Variants in SYT16 observed in about 807,000 individuals in gnomAD.
The protein encoded by SYT16 is synaptotagmin 16, also known as synaptotagmin-16.
In SYT16, 42 loss-of-function variants were observed where a neutral mutation model predicts 61.4. The observed-to-expected ratio is 0.68, with a 90% CI of 0.53 to 0.89. The LOEUF is 0.89. Ranked by LOEUF, SYT16 falls within the 40% of genes least tolerant of loss-of-function variation. SYT16 has a pLI of 0.00. For missense variants in SYT16, 804 were observed against 807.3 expected, an observed-to-expected ratio of 1.00 and a Z score of 0.05; for synonymous variants, 314 against 302.3, an observed-to-expected ratio of 1.04 and a Z score of -0.40.
At chr14:62,090,660 C>A (rs1020248549) in intron 7 of SYT16, among the ~76,000 whole-genome samples, 1 of 152,244 alleles carries the variant, frequency 6.6e-6, no homozygotes, top group East Asian at 1.9e-4. Flanking sequence ...TCTACATCAA[C>A]TCTAATTCTC....
At chr14:61,993,845 T>C (rs908829778) in intron 2 of SYT16, among the ~76,000 whole-genome samples, 1 of 152,194 alleles carries the variant, frequency 6.6e-6, no homozygotes, top group African/African-American at 2.4e-5. Flanking sequence ...GTTTTTTGCA[T>C]GATTTTTAAT....
At chr14:61,815,438 G>A (rs2045398118) in intron 1 of SYT16, among the ~76,000 whole-genome samples, 2 of 152,124 alleles carry the variant, frequency 1.3e-5, no homozygotes, top group South Asian at 4.1e-4. Context: ...GGGAAAAATT[G>A]GTTCTAAAAC....
chr14:61,929,006 A>G (rs543610607), intron 1 of SYT16, among the ~76,000 whole-genome samples: 3 of 152,184 alleles, frequency 2.0e-5, no homozygotes, highest in Admixed American at 6.5e-5. Flanking sequence ...AACATTGCTA[A>G]ATATCTATGA....
chr14:61,831,984 A>G, intron 1 of SYT16: 1 of 620,716 alleles, frequency 1.6e-6, no homozygotes, highest in South Asian at 1.6e-5. Context: ...GGTGTGCGGG[A>G]TGGGGCCGTA....
At chr14:61,951,566 G>A (rs1185380773) in intron 1 of SYT16, among the ~76,000 whole-genome samples, 1 of 152,096 alleles carries the variant, frequency 6.6e-6, no homozygotes, top group East Asian at 1.9e-4. Context: ...GTTGAAGAAA[G>A]TCGGATGTCT....
At chr14:62,001,345 GA>G (rs965312716) in intron 3 of SYT16, among the ~76,000 whole-genome samples, 6 of 151,964 alleles carry the variant, frequency 3.9e-5, no homozygotes, top group Admixed American at 3.9e-4. Flanking sequence ...TCAATTATTT[GA>G]AAAATATTTT....
At chr14:62,018,189 T>C (rs2053768226) in intron 3 of SYT16, among the ~76,000 whole-genome samples, 1 of 152,120 alleles carries the variant, frequency 6.6e-6, no homozygotes, top group South Asian at 2.1e-4. Context: ...AATAAGGTCC[T>C]GTGTCATCTA....
chr14:62,045,583 C>T (rs931905233), intron 3 of SYT16, among the ~76,000 whole-genome samples: 1 of 152,100 alleles, frequency 6.6e-6, no homozygotes, highest in Non-Finnish European at 1.5e-5. Flanking sequence ...GGTATATCTC[C>T]TAATGCTATC....
At chr14:62,023,419 G>A (rs2053985038) in intron 3 of SYT16, among the ~76,000 whole-genome samples, 1 of 152,098 alleles carries the variant, frequency 6.6e-6, no homozygotes, top group African/African-American at 2.4e-5. Flanking sequence ...TAGCTTTTTA[G>A]TTTCCCAGCT....
chr14:62,081,335 C>A, intron 6 of SYT16, 61 bp downstream of exon 6: 1 of 1,514,788 alleles, frequency 6.6e-7, no homozygotes, highest in Non-Finnish European at 8.9e-7. Context: ...GGATTGTCAG[C>A]CCTTGATTTA....
chr14:61,881,731 G>A (rs1183221531), intron 1 of SYT16, among the ~76,000 whole-genome samples: 2 of 152,190 alleles, frequency 1.3e-5, no homozygotes, highest in Non-Finnish European at 2.9e-5. Context: ...AGGGGTGACA[G>A]TATATATCCA....
rs917748952 is a variant in SYT16, at chr14:61,823,227, G to A, written c.-325+10417G>A. Among the ~76,000 whole-genome samples, 8 of 152,006 alleles carry A rather than the reference G, an allele frequency of 5.3e-5. 1 individual carries two copies. The highest frequency in any genetic ancestry group is 4.2e-4 in the South Asian group (2 of 4,818). ...AGGCTGGTCTCGAACTCCTGACTTC[G>A]TGATCCTTCCACCTCAGCCTCCCAA... is the stretch of plus-strand genomic sequence containing the variant. On this transcript the variant is annotated intron_variant, in intron 1 of 7. Transcript: ENST00000683842.
At chr14:61,894,273 G>A (rs1223883780) in intron 1 of SYT16, among the ~76,000 whole-genome samples, 1 of 148,684 alleles carries the variant, frequency 6.7e-6, no homozygotes, top group African/African-American at 2.5e-5. Context: ...CAACAAGAAC[G>A]AAACTCTGTC....
intron 1 of SYT16, among the ~76,000 whole-genome samples, chr14:61,884,386 G>A (rs934374530): frequency 6.6e-6 from 1 of 152,062 alleles, no homozygotes; most frequent in Non-Finnish European, 1.5e-5. Flanking sequence ...TAATTATTAC[G>A]TCGCCTCCTT....
At chr14:61,849,008 GC>G (rs2046528013) in intron 1 of SYT16, among the ~76,000 whole-genome samples, 1 of 152,134 alleles carries the variant, frequency 6.6e-6, no homozygotes, top group South Asian at 2.1e-4. Context: ...GGGCCCAAGG[GC>G]TTTTTAGTCA....
rs912559692 is a variant in SYT16 at position 61,933,952 on chromosome 14, C to A, written c.-324-36180C>A. Among the ~76,000 whole-genome samples, 10 of 151,928 alleles carry A rather than the reference C, an allele frequency of 6.6e-5. 1 individual carries two copies. The highest frequency in any genetic ancestry group is 1.3e-4 in the Non-Finnish European group (9 of 67,992). On this transcript the variant is annotated intron_variant, in intron 1 of 7. Transcript: ENST00000683842. ...ACATATATATACACACGTACACATG[C>A]ATATTTGTGTGTATATATGAGAGTG...
At chr14:61,922,720 G>A (rs1300122351) in intron 1 of SYT16, among the ~76,000 whole-genome samples, 1 of 152,108 alleles carries the variant, frequency 6.6e-6, no homozygotes, top group Non-Finnish European at 1.5e-5. Context: ...TTATAAATTT[G>A]CATGGGTAGC....
intron 2 of SYT16, among the ~76,000 whole-genome samples, chr14:61,980,352 G>A (rs1359913195): frequency 6.6e-6 from 1 of 152,122 alleles, no homozygotes; most frequent in Non-Finnish European, 1.5e-5. Context: ...TGAAAATTGA[G>A]GAACTGTGAA....
chr14:62,015,353 C>T (rs2140727940), intron 3 of SYT16, among the ~76,000 whole-genome samples: 1 of 152,222 alleles, frequency 6.6e-6, no homozygotes, highest in South Asian at 2.1e-4. Flanking sequence ...TGTATTTCAT[C>T]ATCTCCAGAA....
Sources: gnomAD v4.1 joint callset for allele counts (sites outside exome capture counted in the v4.1 genomes callset) on GRCh38, gnomAD v4.1.1 for gene constraint, MANE v1.5 for transcripts, NCBI Gene and HGNC (gene_info 2026-07-23, HGNC 2026-07-21) for gene names.